GLIS3: variants seen among roughly 807,000 people sequenced by gnomAD.
The protein encoded by GLIS3 is zinc finger protein GLIS3.
In GLIS3, 53 loss-of-function variants were observed where a neutral mutation model predicts 78.6. The observed-to-expected ratio is 0.67, with a 90% CI of 0.54 to 0.85. The LOEUF (loss-of-function observed/expected upper bound fraction) is 0.85, where lower values mean the gene tolerates loss of function less well. Among genes scored for constraint, GLIS3 ranks in the 40% least tolerant of loss-of-function variants. The pLI, the probability that GLIS3 is intolerant of heterozygous loss-of-function variation, is 0.00. For missense variants in GLIS3, 1,703 were observed against 1,231.1 expected (o/e 1.38, Z -5.74); for synonymous variants, 684 against 509.9 (o/e 1.34, Z -4.60).
intron 4 of GLIS3, among the ~76,000 whole-genome samples, chr9:3,970,885 G>A (rs192655657): frequency 6.6e-6 from 1 of 152,124 alleles, no homozygotes; most frequent in Non-Finnish European, 1.5e-5. Flanking sequence ...AACATTGGCT[G>A]TATTTGCCCT....
intron 6 of GLIS3, among the ~76,000 whole-genome samples, chr9:3,926,482 G>A (rs762296866): frequency 6.6e-6 from 1 of 151,948 alleles, no homozygotes; most frequent in Non-Finnish European, 1.5e-5. Flanking sequence ...CGCCTGTCTC[G>A]GTCTCCCAAA....
intron 4 of GLIS3, among the ~76,000 whole-genome samples, chr9:3,937,493 T>C (rs1825962905): frequency 6.6e-6 from 1 of 152,224 alleles, no homozygotes; most frequent in Non-Finnish European, 1.5e-5. Flanking sequence ...AATACAGTAA[T>C]GTGTGTCTTA....
chr9:3,846,634 G>A (rs758321847), intron 9 of GLIS3, among the ~76,000 whole-genome samples: 1 of 152,154 alleles, frequency 6.6e-6, no homozygotes, highest in Non-Finnish European at 1.5e-5. Flanking sequence ...AACTGAAAAT[G>A]TTTTCTTAAG....
chr9:3,828,455 C>T (rs769039081), intron 10 of GLIS3, 47 bp from the exon 11 acceptor site: 9 of 1,608,966 alleles, frequency 5.6e-6, no homozygotes, highest in Non-Finnish European at 7.6e-6. Flanking sequence ...TGCCCCATGC[C>T]ACGCCCACTG....
At chr9:4,360,967 C>T in the GLIS3 span, among the ~76,000 whole-genome samples, 3 of 152,230 alleles carry the variant, frequency 2.0e-5, no homozygotes, top group Non-Finnish European at 2.9e-5. Flanking sequence ...GCCTTGACCT[C>T]ATTCTTGCAT....
At chr9:4,112,904 C>A (rs535624189) in intron 4 of GLIS3, among the ~76,000 whole-genome samples, 7 of 152,066 alleles carry the variant, frequency 4.6e-5, no homozygotes, top group Non-Finnish European at 8.8e-5. Flanking sequence ...GAAAGTAAAA[C>A]CCTCACATCC....
At chr9:4,342,828 C>G (rs770998996) in intron 2 of GLIS3, among the ~76,000 whole-genome samples, 2 of 152,250 alleles carry the variant, frequency 1.3e-5, no homozygotes, top group South Asian at 4.1e-4. Context: ...TAGCTGTATT[C>G]ATAGGTATTT....
At chr9:3,983,985 C>A (rs1434509313) in intron 4 of GLIS3, among the ~76,000 whole-genome samples, 1 of 152,236 alleles carries the variant, frequency 6.6e-6, no homozygotes, top group Non-Finnish European at 1.5e-5. Flanking sequence ...GTCTCCAGGG[C>A]ATGTCAGAGG....
At chr9:3,834,853 C>T (rs1230459198) in intron 9 of GLIS3, among the ~76,000 whole-genome samples, 1 of 152,210 alleles carries the variant, frequency 6.6e-6, no homozygotes, top group Non-Finnish European at 1.5e-5. Flanking sequence ...GGCACTCCAA[C>T]CCTCCTAGAG....
chr9:4,467,163 C>T, the GLIS3 span, among the ~76,000 whole-genome samples: 1 of 152,186 alleles, frequency 6.6e-6, no homozygotes, highest in African/African-American at 2.4e-5. Flanking sequence ...CCCACCACAG[C>T]TCAAGGAGGC....
chr9:4,373,599 T>TAA, the GLIS3 span, among the ~76,000 whole-genome samples: 1 of 151,710 alleles, frequency 6.6e-6, no homozygotes, highest in African/African-American at 2.4e-5. Context: ...TTTTGGGAGC[T>TAA]AAAAAAATAC....
At chr9:3,912,149 C>A (rs1292510578) in intron 6 of GLIS3, among the ~76,000 whole-genome samples, 2 of 152,160 alleles carry the variant, frequency 1.3e-5, no homozygotes, top group African/African-American at 2.4e-5. Context: ...AACAGAATTA[C>A]ATGAGGTGAC....
At chr9:4,087,223 G>A (rs1158124591) in intron 4 of GLIS3, among the ~76,000 whole-genome samples, 2 of 152,170 alleles carry the variant, frequency 1.3e-5, no homozygotes, top group Non-Finnish European at 2.9e-5. Context: ...TACAGAGGTA[G>A]AACAGCTATA....
intron 2 of GLIS3, among the ~76,000 whole-genome samples, chr9:4,334,770 G>C (rs894210840): frequency 6.6e-6 from 1 of 152,154 alleles, no homozygotes; most frequent in Non-Finnish European, 1.5e-5. Context: ...GCCACTTACA[G>C]CGAACCTGGG....
upstream of GLIS3, among the ~76,000 whole-genome samples, chr9:4,304,978 G>T (rs76842474): frequency 7.6e-3 from 1,150 of 152,304 alleles, 13 homozygotes; most frequent in African/African-American, 0.026. Flanking sequence ...CCTGCCCCGG[G>T]TAAGAGTGTT....
At chr9:3,940,539 G>A (rs372310097) in intron 4 of GLIS3, among the ~76,000 whole-genome samples, 2 of 152,158 alleles carry the variant, frequency 1.3e-5, no homozygotes, top group African/African-American at 4.8e-5. Context: ...TGGGCTAGCT[G>A]TAGGAACCAT....
At chr9:4,273,237 C>G (rs935339570) in intron 2 of GLIS3, among the ~76,000 whole-genome samples, 1 of 152,144 alleles carries the variant, frequency 6.6e-6, no homozygotes, top group African/African-American at 2.4e-5. Context: ...ATCTATACTA[C>G]CTCACACAGA....
At chr9:4,486,535 T>C in the GLIS3 span, among the ~76,000 whole-genome samples, 2 of 152,244 alleles carry the variant, frequency 1.3e-5, no homozygotes, top group Non-Finnish European at 2.9e-5. Flanking sequence ...AGATAGTATA[T>C]AAACTTCTGG....
the GLIS3 span, among the ~76,000 whole-genome samples, chr9:4,383,001 T>C: frequency 6.6e-6 from 1 of 152,196 alleles, no homozygotes; most frequent in Non-Finnish European, 1.5e-5. Flanking sequence ...CCCATCTGTC[T>C]ATTTTCCTAA....
Sources: allele counts gnomAD v4.1 joint callset (sites outside exome capture counted in the v4.1 genomes callset), GRCh38; gene constraint gnomAD v4.1.1; transcripts MANE v1.5; gene names NCBI Gene and HGNC (gene_info 2026-07-23, HGNC 2026-07-21).